Variants in AGXT observed in about 807,000 individuals in gnomAD.
AGXT encodes L-alanine: glyoxylate aminotransferase 1.
Under a neutral mutation model 46.9 loss-of-function variants are expected in AGXT, and 41 were observed. The observed-to-expected ratio is 0.88, with a 90% CI of 0.68 to 1.14. The LOEUF (loss-of-function observed/expected upper bound fraction) is 1.14, where lower values mean the gene tolerates loss of function less well. Among genes scored for constraint, AGXT ranks in the 50% most tolerant of loss-of-function variants. The pLI is 0.00. For missense variants in AGXT, 525 were observed against 522.7 expected (o/e 1.00, Z -0.04); for synonymous variants, 244 against 227.9 (o/e 1.07, Z -0.64).
rs140360470 is a variant in AGXT at position 240,871,063 on chromosome 2, C to A, written c.424-286C>A. 333 of 584,196 alleles carry A rather than the reference C, an allele frequency of 5.7e-4. 3 individuals carry two copies. The Admixed American group carries it at 8.8e-3, about 15-fold the overall frequency. The allele number at this position is 584,196 out of a possible 1,614,324, so 36.2% of individuals were successfully genotyped here. A position where few individuals can be genotyped will look rare whatever the true frequency, so the allele number is the denominator to read the frequency against. ...CCCTGTGGGCTGAAGTCAACCTCAG[C>A]CTACCCGGAGTGTGGGGACTCAGTC... On this transcript the variant is annotated intron_variant, in intron 3 of 10. Coordinates refer to ENST00000307503, the MANE Select transcript of AGXT (RefSeq NM_000030.3).
At chr2:240,873,919 C>T in intron 5 of AGXT, 59 bp from the exon 6 acceptor site, 3 of 1,493,660 alleles carry the variant, frequency 2.0e-6, no homozygotes, top group South Asian at 2.3e-5. Flanking sequence ...AGGCATCCCG[C>T]TGGACTGGCC....
chr2:240,878,851 C>A lies in AGXT; in HGVS notation c.*30C>A. The A allele has an allele frequency of 6.5e-7, 1 of 1,546,040 alleles. No individual in the cohort carries two copies. The highest frequency in any genetic ancestry group is 8.8e-7 in the Non-Finnish European group (1 of 1,141,066). ...CCCACTGGCACACAGCTGGCACTGG[C>A]ACACACCTGTCCCATGCCCACCCTG... On this transcript the variant is annotated 3_prime_UTR_variant, in exon 11 of 11. Transcript: ENST00000307503.
At chr2:240,869,132 G>A (rs766177814) in intron 1 of AGXT, 38 bp from the exon 2 acceptor site, 7 of 1,596,544 alleles carry the variant, frequency 4.4e-6, no homozygotes, top group African/African-American at 1.3e-5. Context: ...TTGGGGAGGC[G>A]GGGAGCCTGG....
intron 10 of AGXT, 138 bp downstream of exon 10, chr2:240,878,288 C>T (rs2059039254): frequency 7.9e-7 from 1 of 1,259,538 alleles, no homozygotes; most frequent in South Asian, 1.4e-5. Flanking sequence ...AGGGCCCACT[C>T]TCCAAGGGGT....
Position 240,870,722 on chromosome 2 carries a change from G to A in AGXT, c.423+14G>A. 6.4e-7 allele frequency: 1 copy of A among 1,553,374 alleles called. No homozygotes were observed. The highest frequency in any genetic ancestry group is 1.4e-5 in the African/African-American group (1 of 73,470). ...GAGGTGGAGGAGGTAGGGGACCCGG[G>A]GTGGGGGTCAGGGCCGGGAGGAGGT... On this transcript the variant is annotated intron_variant, in intron 3 of 10. Coordinates refer to ENST00000307503, the MANE Select transcript of AGXT (RefSeq NM_000030.3).
chr2:240,872,732 G>A (rs1029358221), intron 4 of AGXT, among the ~76,000 whole-genome samples: 3 of 152,078 alleles, frequency 2.0e-5, no homozygotes, highest in Non-Finnish European at 2.9e-5. Flanking sequence ...CACCAGGGCC[G>A]TGATGCTCCC....
chr2:240,875,652 C>A (rs2059020697), intron 7 of AGXT, among the ~76,000 whole-genome samples: 1 of 152,254 alleles, frequency 6.6e-6, no homozygotes. Flanking sequence ...GCTTCGCAGG[C>A]ACGCTGGGAC....
chr2:240,876,340 T>C (rs756253152), intron 8 of AGXT, among the ~76,000 whole-genome samples: 2 of 152,004 alleles, frequency 1.3e-5, no homozygotes, highest in Non-Finnish European at 2.9e-5. Flanking sequence ...CACAGATAGG[T>C]GGGCGTGGAT....
chr2:240,875,232 G>T, intron 7 of AGXT, 28 bp downstream of exon 7: 1 of 1,573,856 alleles, frequency 6.4e-7, no homozygotes, highest in South Asian at 1.1e-5. Flanking sequence ...TGGGAAGGTG[G>T]AGGGCGCTGG....
In AGXT at chr2:240,874,989, G is replaced by A. The variant is rs908547566; in HGVS notation, c.681-120G>A. 4 of 817,742 alleles carry A rather than the reference G, an allele frequency of 4.9e-6. No individual in the cohort carries two copies. In the African/African-American group the frequency reaches 5.1e-5, roughly 10 times the overall value. The allele number at this position is 817,742 out of a possible 1,614,324, so 50.7% of individuals were successfully genotyped here. On this transcript the variant is annotated intron_variant, in intron 6 of 10. Coordinates refer to ENST00000307503, the MANE Select transcript of AGXT (RefSeq NM_000030.3). ...GCCCCTGAGCACAAATGCAGCTGGG[G>A]CGGGCCCTCCTGGGGGCCCCACCCC...
Position 240,879,375 on chromosome 2 carries a change from G to A in AGXT, c.*554G>A. On this transcript the variant is annotated 3_prime_UTR_variant, in exon 11 of 11. Coordinates refer to ENST00000307503, the MANE Select transcript of AGXT (RefSeq NM_000030.3). ...CATGGACAAGGGTACCTGCGTGCTG[G>A]AGAGCGCACAGCCAGGACCTGAGCC... 1 of 176,314 alleles carries A rather than the reference G, an allele frequency of 5.7e-6. No individual in the cohort carries two copies. The allele number at this position is 176,314 out of a possible 1,614,324, so 10.9% of individuals were successfully genotyped here.
At chr2:240,876,030 G>T in intron 8 of AGXT, 26 bp downstream of exon 8, 1 of 1,612,078 alleles carries the variant, frequency 6.2e-7, no homozygotes, top group South Asian at 1.1e-5. Context: ...TCCACAGGAG[G>T]AGACAGGGCC....
chr2:240,869,116 CCTCACTTGGGGAGGCGGGGAGCCTGGGT>C lies in AGXT; in HGVS notation c.166-48_166-21del, dbSNP rs2058977470. The C allele has an allele frequency of 7.4e-6, 12 of 1,612,422 alleles. No homozygotes were observed. The Admixed American group carries it at 2.0e-4, about 27-fold the overall frequency. ...GGACGAGGGAAGGGGGTCACTGCCT[CCTCACTTGGGGAGGCGGGGAGCCTGGGT>C]CTCACCCTATACCACCCGCATGCAG... On this transcript the variant is annotated intron_variant, in intron 1 of 10. Coordinates refer to ENST00000307503, the MANE Select transcript of AGXT (RefSeq NM_000030.3).
At chr2:240,872,296 A>T (rs143260513) in intron 4 of AGXT, among the ~76,000 whole-genome samples, 10 of 66,658 alleles carry the variant, frequency 1.5e-4, no homozygotes, top group African/African-American at 2.1e-4. Flanking sequence ...AACATGCAGG[A>T]GGAGGAGGGT....
intron 2 of AGXT, among the ~76,000 whole-genome samples, chr2:240,870,300 G>T (rs1186096537): frequency 6.6e-6 from 1 of 152,102 alleles, no homozygotes; most frequent in East Asian, 1.9e-4. Flanking sequence ...TACACTCTTT[G>T]TGCCAGCCCT....
intron 3 of AGXT, 27 bp from the exon 4 acceptor site, chr2:240,871,322 C>T (rs1370010732): frequency 1.3e-6 from 2 of 1,552,534 alleles, no homozygotes; most frequent in Non-Finnish European, 8.7e-7. Flanking sequence ...CTCTGAGCTC[C>T]ACCCACAGCC....
In AGXT at chr2:240,869,151, C is replaced by T; in HGVS notation, c.166-19C>T. ...GGAGGCGGGGAGCCTGGGTCTCACC[C>T]TATACCACCCGCATGCAGATCATGG... On this transcript the variant is annotated intron_variant, in intron 1 of 10. Coordinates refer to ENST00000307503, the MANE Select transcript of AGXT (RefSeq NM_000030.3). The T allele has an allele frequency of 6.2e-7, 1 of 1,613,426 alleles. No homozygotes were observed. Among genetic ancestry groups the T allele is most frequent in the South Asian group, 1.1e-5 (1 of 91,034 alleles).
intron 8 of AGXT, among the ~76,000 whole-genome samples, chr2:240,876,403 C>T (rs1045023137): frequency 6.6e-6 from 1 of 152,164 alleles, no homozygotes; most frequent in African/African-American, 2.4e-5. Flanking sequence ...TATGGCAGGG[C>T]AAGAGCTGAG....
chr2:240,877,435 C>T (rs984043149), intron 8 of AGXT, 102 bp from the exon 9 acceptor site: 4 of 1,191,164 alleles, frequency 3.4e-6, no homozygotes, highest in Admixed American at 4.1e-5. Flanking sequence ...CTCCCCTGCA[C>T]CAAGGCCTGC....
Sources: gnomAD v4.1 joint callset for allele counts (sites outside exome capture counted in the v4.1 genomes callset) on GRCh38, gnomAD v4.1.1 for gene constraint, MANE v1.5 for transcripts, NCBI Gene and HGNC (gene_info 2026-07-23, HGNC 2026-07-21) for gene names.